Variants in ADK observed in about 807,000 individuals in gnomAD.
ADK encodes adenosine kinase, also known as N6,N6-dimethyladenosine kinase.
In ADK, 24 loss-of-function variants were observed where a neutral mutation model predicts 44.7. That is an observed-to-expected ratio of 0.54 (90% CI 0.39 to 0.76). The LOEUF (loss-of-function observed/expected upper bound fraction) is 0.76. Ranked by LOEUF, ADK falls within the 30% of genes least tolerant of loss-of-function variation. The pLI, the probability that ADK is intolerant of heterozygous loss-of-function variation, is 0.00. For missense variants in ADK, 321 were observed against 425.1 expected (o/e 0.76, Z 2.15); for synonymous variants, 128 against 142.6 (o/e 0.90, Z 0.73).
At chr10:74,622,835 CT>C (rs1304315241) in intron 9 of ADK, among the ~76,000 whole-genome samples, 2 of 152,074 alleles carry the variant, frequency 1.3e-5, no homozygotes, top group African/African-American at 4.8e-5. Context: ...TGGAGAAACC[CT>C]GTCTCTACTA....
intron 3 of ADK, among the ~76,000 whole-genome samples, chr10:74,309,470 A>G (rs1840363047): frequency 6.6e-6 from 1 of 152,202 alleles, no homozygotes; most frequent in Admixed American, 6.5e-5. Flanking sequence ...ATCTTCCTCA[A>G]AACAACAGAT....
intron 6 of ADK, among the ~76,000 whole-genome samples, chr10:74,508,927 TATTTTTATTTTATAAGAAACACAC>T (rs1848188060): frequency 6.6e-6 from 1 of 152,206 alleles, no homozygotes; most frequent in Admixed American, 6.5e-5. Context: ...ATTGCTTTTA[TATTTTTATTTTATAAGAAACACAC>T]ATTTTTATTT....
At chr10:74,482,138 T>C (rs1242510803) in intron 6 of ADK, among the ~76,000 whole-genome samples, 4 of 152,178 alleles carry the variant, frequency 2.6e-5, no homozygotes, top group Non-Finnish European at 5.9e-5. Context: ...TACCTGAGAC[T>C]GGGTAATTTA....
chr10:74,602,967 C>T (rs1338727901), intron 9 of ADK, among the ~76,000 whole-genome samples: 3 of 152,168 alleles, frequency 2.0e-5, no homozygotes, highest in African/African-American at 7.2e-5. Flanking sequence ...TGTCAGGATG[C>T]AATCATTCGC....
intron 2 of ADK, among the ~76,000 whole-genome samples, chr10:74,211,472 T>G (rs942262594): frequency 6.6e-6 from 1 of 152,340 alleles, no homozygotes; most frequent in Non-Finnish European, 1.5e-5. Flanking sequence ...TTAAAAAACG[T>G]ATACATCTTA....
At chr10:74,594,920 A>G (rs568474936) in intron 8 of ADK, among the ~76,000 whole-genome samples, 5 of 152,296 alleles carry the variant, frequency 3.3e-5, no homozygotes, top group Admixed American at 3.3e-4. Flanking sequence ...CCACGCCTGT[A>G]ATCCCAGCAC....
intron 3 of ADK, among the ~76,000 whole-genome samples, chr10:74,235,155 C>A (rs1471740138): frequency 7.8e-6 from 1 of 128,160 alleles, no homozygotes; most frequent in Non-Finnish European, 1.6e-5. Flanking sequence ...CTGAAACTTT[C>A]CGGTTTGACT....
intron 4 of ADK, among the ~76,000 whole-genome samples, chr10:74,332,947 T>C (rs1301959556): frequency 6.6e-6 from 1 of 152,190 alleles, no homozygotes; most frequent in East Asian, 1.9e-4. Context: ...ATGTATTATT[T>C]TAGATCATTT....
At chr10:74,384,183 A>G (rs1235510693) in intron 4 of ADK, among the ~76,000 whole-genome samples, 1 of 152,194 alleles carries the variant, frequency 6.6e-6, no homozygotes, top group Non-Finnish European at 1.5e-5. Context: ...AAGAAGATAC[A>G]ATCCTGGCTT....
chr10:74,631,270 A>T (rs1342129400), intron 9 of ADK, among the ~76,000 whole-genome samples: 1 of 140,330 alleles, frequency 7.1e-6, no homozygotes, highest in Non-Finnish European at 1.5e-5. Flanking sequence ...TATATATATG[A>T]TTTATTTATT....
At chr10:74,698,324 T>C (rs1003599893) in intron 10 of ADK, among the ~76,000 whole-genome samples, 1 of 152,246 alleles carries the variant, frequency 6.6e-6, no homozygotes, top group Non-Finnish European at 1.5e-5. Context: ...TCTGGTGTAA[T>C]GCCTCCTATG....
intron 1 of ADK, among the ~76,000 whole-genome samples, chr10:74,151,852 C>T (rs188192248): frequency 1.3e-5 from 2 of 152,314 alleles, no homozygotes; most frequent in African/African-American, 4.8e-5. Flanking sequence ...CTACCAGGGA[C>T]CCAGACCCCT....
chr10:74,525,454 A>AC (rs1170920910), intron 7 of ADK, 28 bp downstream of exon 7: 1 of 1,583,178 alleles, frequency 6.3e-7, no homozygotes, highest in Non-Finnish European at 8.6e-7. Flanking sequence ...TTTCAAAAGA[A>AC]CCTGGGGGTT....
rs751686986 is a variant in ADK, at chr10:74,709,252, T to G, written c.*807T>G. On this transcript the variant is annotated 3_prime_UTR_variant, in exon 11 of 11. Coordinates refer to ENST00000539909, the MANE Select transcript of ADK (RefSeq NM_006721.4). ...GCAATATAATACACTGAAGAATAAC[T>G]TAGTATCAGAGACCAATAAATCACT... 4.0e-5 allele frequency: 6 copies of G among 151,204 alleles called. No homozygotes were observed. Among genetic ancestry groups the G allele is most frequent in the Non-Finnish European group, 7.4e-5 (5 of 68,022 alleles). 9.4% of individuals were successfully genotyped at this position (151,204 alleles called of 1,614,324 possible). A position where few individuals can be genotyped will look rare whatever the true frequency, so the allele number is the denominator to read the frequency against.
chr10:74,687,327 C>A (rs985257973), intron 10 of ADK, among the ~76,000 whole-genome samples: 8 of 152,190 alleles, frequency 5.3e-5, no homozygotes, highest in African/African-American at 1.9e-4. Context: ...TCACAGTCAG[C>A]TTCCCAGCCT....
chr10:74,308,860 G>GCT (rs144856572), intron 3 of ADK, among the ~76,000 whole-genome samples: 20 of 150,784 alleles, frequency 1.3e-4, no homozygotes, highest in Admixed American at 4.6e-4. Context: ...ATGCTCACTC[G>GCT]CTCTCTCTCT....
chr10:74,677,800 A>G (rs1855446073), intron 10 of ADK, among the ~76,000 whole-genome samples: 1 of 151,832 alleles, frequency 6.6e-6, no homozygotes, highest in African/African-American at 2.4e-5. Flanking sequence ...TCTTAAAACC[A>G]TCAAATGAAC....
At chr10:74,319,348 T>G (rs1188799834) in intron 4 of ADK, among the ~76,000 whole-genome samples, 2 of 152,196 alleles carry the variant, frequency 1.3e-5, no homozygotes, top group Admixed American at 1.3e-4. Context: ...CCTTGATTCC[T>G]TCAGAGGCCT....
At chr10:74,172,103 A>T (rs1186214084) in intron 1 of ADK, among the ~76,000 whole-genome samples, 1 of 148,846 alleles carries the variant, frequency 6.7e-6, no homozygotes, top group Non-Finnish European at 1.5e-5. Flanking sequence ...TTAATAAAAA[A>T]CTTTTTTTTC....
Sources: allele counts gnomAD v4.1 joint callset (sites outside exome capture counted in the v4.1 genomes callset), GRCh38; gene constraint gnomAD v4.1.1; transcripts MANE v1.5; gene names NCBI Gene and HGNC (gene_info 2026-07-23, HGNC 2026-07-21).